SULF2: variants seen among roughly 807,000 people sequenced by gnomAD.
SULF2 encodes the protein extracellular sulfatase Sulf-2.
In SULF2, 52 loss-of-function variants were observed where a neutral mutation model predicts 107.7. The ratio of observed to expected loss-of-function variants is 0.48; its 90% confidence interval spans 0.39 to 0.61. The LOEUF is 0.61. Among genes scored for constraint, SULF2 ranks in the 20% least tolerant of loss-of-function variants. The probability of loss-of-function intolerance (pLI) is 0.00; values close to 1 mark genes in which losing one functional copy is unlikely to be tolerated. For missense variants in SULF2, 993 were observed against 1,177.3 expected (o/e 0.84, Z 2.29); for synonymous variants, 460 against 464.3 (o/e 0.99, Z 0.12).
chr20:47,766,785 G>A lies in SULF2; in HGVS notation c.-100-9322C>T, dbSNP rs75172393. Among the ~76,000 whole-genome samples, 971 of 152,324 alleles carry A rather than the reference G, an allele frequency of 6.4e-3. 9 individuals are homozygous for A. Among genetic ancestry groups the A allele is most frequent in the African/African-American group, 0.022 (894 of 41,568 alleles). ...GAGAACAGAGTGGCCATGGATTAAA[G>A]TTAGAGCACAAAGGAAATTTAGAAA... is the stretch of plus-strand genomic sequence containing the variant. On this transcript the variant is annotated intron_variant, in intron 1 of 20. Transcript: ENST00000688720.
At position 47,672,404 on chromosome 20, in the gene SULF2, T is replaced by TG; in HGVS notation, c.1381-12dup. ...CACACACTGCCACTTCTGAAAGACA[T>TG]GCCAGGGCCTCGGCCAGCTGCTCAT... On this transcript the variant is annotated splice_polypyrimidine_tract_variant and intron_variant, in intron 10 of 20. Transcript: ENST00000688720. 1.9e-6 allele frequency: 3 copies of TG among 1,591,100 alleles called. No homozygotes were observed. In the South Asian group the frequency reaches 3.4e-5, roughly 18 times the overall value.
intron 4 of SULF2, among the ~76,000 whole-genome samples, chr20:47,692,918 G>A (rs983024590): frequency 2.0e-5 from 3 of 152,174 alleles, no homozygotes; most frequent in Non-Finnish European, 4.4e-5. Context: ...GGGAAGGGAA[G>A]GTGAAGAGGA....
chr20:47,706,267 C>T (rs74666148), intron 3 of SULF2, among the ~76,000 whole-genome samples: 1,800 of 152,216 alleles, frequency 0.012, 34 homozygotes, highest in African/African-American at 0.04. Flanking sequence ...CCACCTCTAA[C>T]GCTGCCCTCC....
chr20:47,700,813 T>G (rs1176199376), intron 4 of SULF2, among the ~76,000 whole-genome samples: 2 of 152,044 alleles, frequency 1.3e-5, no homozygotes, highest in Non-Finnish European at 2.9e-5. Context: ...GCAGGGCTAA[T>G]TTTTGTATTC....
At chr20:47,774,553 C>G (rs2090691317) in intron 1 of SULF2, among the ~76,000 whole-genome samples, 1 of 152,212 alleles carries the variant, frequency 6.6e-6, no homozygotes, top group African/African-American at 2.4e-5. Flanking sequence ...CCCCCAGCAG[C>G]ACCTGAGCTA....
rs2088306640 is a variant in SULF2 at position 47,694,427 on chromosome 20, A to G, written c.568-4132T>C. Among the ~76,000 whole-genome samples, 1 of 152,218 alleles carries G rather than the reference A, an allele frequency of 6.6e-6. No homozygotes were observed. The highest frequency in any genetic ancestry group is 2.1e-4 in the South Asian group (1 of 4,826). On this transcript the variant is annotated intron_variant, in intron 4 of 20. Transcript: ENST00000688720. This position sits in a 1 kb window ranked among gnomAD's most constrained non-coding sequence, Gnocchi z 4.4. The stretch of plus-strand genomic sequence containing the variant: ...AAACTGTGTTTGGGGTGCCCGGGTC[A>G]AGCCATGAGGAAGAACTCTGAAATT...
rs533810544 is a variant in SULF2, at chr20:47,661,793, C to T, written c.2474G>A (p.Arg825Gln). ...CTCACCCAGGTCCATGTTTCGAGTCCGGGGGTTACACTGCTTGTAACCCTT... is the reference window on the plus strand; with the variant it reads ...CTCACCCAGGTCCATGTTTCGAGTCTGGGGGTTACACTGCTTGTAACCCTT... Reference protein sequence around the residue: ...SCKGYKQCNPRTRNMDLGLKD... With the variant: ...SCKGYKQCNPQTRNMDLGLKD... Residue 825 changes from arginine to glutamine, a missense_variant, in exon 18 of 21, where the codon CGG (arginine) becomes CAG (glutamine). Transcript: ENST00000688720. 101 of 1,560,188 alleles carry T rather than the reference C, an allele frequency of 6.5e-5. No individual in the cohort carries two copies. The highest frequency in any genetic ancestry group is 6.3e-4 in the Admixed American group (36 of 57,050).
chr20:47,747,903 A>G (rs886488191), intron 2 of SULF2, among the ~76,000 whole-genome samples: 2 of 152,002 alleles, frequency 1.3e-5, no homozygotes, highest in African/African-American at 4.8e-5. Context: ...CAGCACCGGA[A>G]TCCACCCACC....
At chr20:47,663,331 C>G in intron 16 of SULF2, 119 bp from the exon 17 acceptor site, 1 of 1,575,406 alleles carries the variant, frequency 6.3e-7, no homozygotes, top group Non-Finnish European at 8.6e-7. Flanking sequence ...GAGGCTGTCC[C>G]GAGCACCGTG....
At chr20:47,715,199 G>C (rs900910216) in intron 3 of SULF2, among the ~76,000 whole-genome samples, 1 of 149,660 alleles carries the variant, frequency 6.7e-6, no homozygotes, top group African/African-American at 2.5e-5. Context: ...TCTCAGTTCT[G>C]GGATTACAGG....
chr20:47,725,993 G>C (rs545432247), intron 3 of SULF2, among the ~76,000 whole-genome samples: 1 of 152,314 alleles, frequency 6.6e-6, no homozygotes, highest in East Asian at 1.9e-4. Context: ...CCTGACCCGA[G>C]ACCCAGGAAG....
At chr20:47,773,610 AT>A (rs1273197125) in intron 1 of SULF2, among the ~76,000 whole-genome samples, 4 of 152,232 alleles carry the variant, frequency 2.6e-5, no homozygotes, top group African/African-American at 9.7e-5. Flanking sequence ...AGATACAGAA[AT>A]TCCCACCTCT....
At chr20:47,784,076 C>T (rs370327130) in intron 1 of SULF2, among the ~76,000 whole-genome samples, 2 of 152,108 alleles carry the variant, frequency 1.3e-5, no homozygotes, top group East Asian at 1.9e-4. Context: ...TTGGAGAGCG[C>T]GCAGATCCGG....
intron 3 of SULF2, among the ~76,000 whole-genome samples, chr20:47,726,654 G>A (rs945445919): frequency 7.2e-5 from 11 of 152,222 alleles, no homozygotes; most frequent in Admixed American, 6.5e-4. Flanking sequence ...TGTAATTAAC[G>A]TAAAGTTAAA....
chr20:47,664,874 C>T (rs927613671), intron 14 of SULF2, among the ~76,000 whole-genome samples: 12 of 152,214 alleles, frequency 7.9e-5, no homozygotes, highest in African/African-American at 2.7e-4. Context: ...ACCCCTAAGC[C>T]GGGAACATGG....
intron 3 of SULF2, among the ~76,000 whole-genome samples, chr20:47,712,758 G>C (rs796831573): frequency 1.3e-4 from 20 of 152,382 alleles, no homozygotes; most frequent in African/African-American, 4.6e-4. Context: ...TCTAGGCCTG[G>C]TGTGGTGGCT....
intron 1 of SULF2, among the ~76,000 whole-genome samples, chr20:47,767,865 C>T (rs972257405): frequency 1.3e-5 from 2 of 150,904 alleles, no homozygotes; most frequent in African/African-American, 2.4e-5. Context: ...GCTGAGATCA[C>T]GCCACTGCAC....
At chr20:47,778,729 G>C (rs1480806949) in intron 1 of SULF2, among the ~76,000 whole-genome samples, 1 of 152,246 alleles carries the variant, frequency 6.6e-6, no homozygotes, top group Non-Finnish European at 1.5e-5. Context: ...TGAAGAAGGG[G>C]AGGCTCAGCC....
At chr20:47,663,953 G>A (rs752717554) in intron 15 of SULF2, among the ~76,000 whole-genome samples, 177 bp downstream of exon 15, 2 of 152,174 alleles carry the variant, frequency 1.3e-5, no homozygotes, top group Non-Finnish European at 2.9e-5. Flanking sequence ...GCCACAAGGG[G>A]GCGTCGGAGG....
Sources: allele counts gnomAD v4.1 joint callset (sites outside exome capture counted in the v4.1 genomes callset), GRCh38; gene constraint gnomAD v4.1.1; non-coding constraint Gnocchi (gnomAD v3.1); transcripts MANE v1.5; gene names NCBI Gene and HGNC (gene_info 2026-07-23, HGNC 2026-07-21).